Variants in CPA6 observed in about 807,000 individuals in gnomAD.
The protein encoded by CPA6 is carboxypeptidase B.
A neutral mutation model predicts 63.3 loss-of-function variants in CPA6; 58 were observed. That is an observed-to-expected ratio of 0.92 (90% CI 0.74 to 1.14). The LOEUF (loss-of-function observed/expected upper bound fraction) is 1.14, where lower values mean the gene tolerates loss of function less well. Among genes scored for constraint, CPA6 ranks in the 50% most tolerant of loss-of-function variants. The pLI is 0.00. For missense variants in CPA6, 565 were observed against 526.6 expected, an observed-to-expected ratio of 1.07 and a Z score of -0.71; for synonymous variants, 185 against 179.0, an observed-to-expected ratio of 1.03 and a Z score of -0.27.
intron 5 of CPA6, among the ~76,000 whole-genome samples, 159 bp downstream of exon 5, chr8:67,509,358 G>A (rs1170660198): frequency 6.6e-6 from 1 of 152,130 alleles, no homozygotes; most frequent in Non-Finnish European, 1.5e-5. Context: ...ATGAAATATG[G>A]TTCAGAAACC....
chr8:67,533,270 G>A (rs1240466931), intron 2 of CPA6, among the ~76,000 whole-genome samples: 1 of 152,180 alleles, frequency 6.6e-6, no homozygotes, highest in African/African-American at 2.4e-5. Flanking sequence ...GCCGTAAGAA[G>A]GGTAGAATGA....
intron 2 of CPA6, among the ~76,000 whole-genome samples, chr8:67,586,797 C>T (rs1351556539): frequency 6.6e-6 from 1 of 151,938 alleles, no homozygotes; most frequent in Non-Finnish European, 1.5e-5. Flanking sequence ...TCAGGAGAGA[C>T]AATTAATGAG....
intron 2 of CPA6, among the ~76,000 whole-genome samples, chr8:67,620,111 T>C (rs1353959620): frequency 2.0e-5 from 3 of 152,140 alleles, no homozygotes; most frequent in Non-Finnish European, 4.4e-5. Flanking sequence ...TGAAATCCAT[T>C]CTCACTTCCT....
intron 2 of CPA6, among the ~76,000 whole-genome samples, chr8:67,588,009 G>C (rs1301855107): frequency 6.6e-6 from 1 of 152,166 alleles, no homozygotes; most frequent in Non-Finnish European, 1.5e-5. Flanking sequence ...TGGTACAGGT[G>C]TGCTTGAGGT....
At chr8:67,610,354 C>T (rs1019329400) in intron 2 of CPA6, among the ~76,000 whole-genome samples, 1 of 151,732 alleles carries the variant, frequency 6.6e-6, no homozygotes, top group African/African-American at 2.4e-5. Flanking sequence ...GCTTGGGTGA[C>T]AGGCCGAGAC....
intron 8 of CPA6, among the ~76,000 whole-genome samples, chr8:67,480,281 C>T (rs888956114): frequency 6.6e-6 from 1 of 152,104 alleles, no homozygotes; most frequent in Admixed American, 6.5e-5. Flanking sequence ...ACAATTGTCA[C>T]ATCTCATTCT....
intron 8 of CPA6, among the ~76,000 whole-genome samples, chr8:67,453,915 G>T (rs1810614098): frequency 6.6e-6 from 1 of 152,192 alleles, no homozygotes; most frequent in Non-Finnish European, 1.5e-5. Flanking sequence ...ATACTCAGAA[G>T]TACTGTGCCT....
chr8:67,524,953 G>A lies in CPA6; in HGVS notation c.193-6906C>T, dbSNP rs574856158. 2.9e-4 allele frequency among the ~76,000 whole-genome samples: 44 copies of A among 152,246 alleles called. 1 individual carries two copies. Among genetic ancestry groups the A allele is most frequent in the Admixed American group, 2.9e-3 (44 of 15,290 alleles). On this transcript the variant is annotated intron_variant, in intron 2 of 10. Coordinates refer to ENST00000297770, the MANE Select transcript of CPA6 (RefSeq NM_020361.5). ...TTTAGGTATAATCCTAGACTATACTGCTTCATAGGTTACAGTACTATATTG... is the reference window on the plus strand; with the variant it reads ...TTTAGGTATAATCCTAGACTATACTACTTCATAGGTTACAGTACTATATTG...
At chr8:67,437,319 C>T (rs1414164922) in intron 8 of CPA6, among the ~76,000 whole-genome samples, 4 of 152,140 alleles carry the variant, frequency 2.6e-5, no homozygotes, top group Non-Finnish European at 4.4e-5. Context: ...GGCACGAACC[C>T]GGGAGGCGGA....
intron 6 of CPA6, among the ~76,000 whole-genome samples, chr8:67,500,531 ATTGT>A (rs900485463): frequency 1.3e-5 from 2 of 151,992 alleles, no homozygotes; most frequent in African/African-American, 4.8e-5. Context: ...TAAAATTTTG[ATTGT>A]TTGATAATGT....
At chr8:67,514,937 T>C (rs1324157824) in intron 3 of CPA6, among the ~76,000 whole-genome samples, 1 of 152,220 alleles carries the variant, frequency 6.6e-6, no homozygotes, top group African/African-American at 2.4e-5. Flanking sequence ...AAAATACCTT[T>C]CTGTAAAAAG....
intron 6 of CPA6, among the ~76,000 whole-genome samples, chr8:67,496,457 G>A (rs1425283179): frequency 1.4e-5 from 2 of 144,670 alleles, no homozygotes; most frequent in Non-Finnish European, 1.5e-5. Flanking sequence ...TCCTTTTATA[G>A]TGTGCAATTT....
chr8:67,425,935 C>T (rs1181713077), intron 10 of CPA6, among the ~76,000 whole-genome samples: 1 of 148,102 alleles, frequency 6.8e-6, no homozygotes. Flanking sequence ...CTCGCTCTGT[C>T]ACCCAGGCTG....
chr8:67,457,028 G>A (rs1339779971), intron 8 of CPA6, among the ~76,000 whole-genome samples: 1 of 152,230 alleles, frequency 6.6e-6, no homozygotes. Flanking sequence ...GTGTGGCCTT[G>A]CCACGCCTTC....
chr8:67,643,347 C>A (rs1021692591), intron 1 of CPA6, among the ~76,000 whole-genome samples: 1 of 152,110 alleles, frequency 6.6e-6, no homozygotes, highest in Admixed American at 6.5e-5. Context: ...GAAAACTAAA[C>A]TGTACCTCTC....
rs948251706 is a variant in CPA6, at chr8:67,422,472, C to T, written c.*32G>A. The T allele has an allele frequency of 3.8e-6, 6 of 1,593,110 alleles. No individual in the cohort carries two copies. In the African/African-American group the frequency reaches 8.1e-5, roughly 21 times the overall value. On this transcript the variant is annotated 3_prime_UTR_variant, in exon 11 of 11. Transcript: ENST00000297770. Reference sequence around the variant, plus strand: ...GGGCCAAGTAGGCCTTGCTCAGAATCCTATGGCAGTTGACCTGAGCCTTGG... The same window carrying T: ...GGGCCAAGTAGGCCTTGCTCAGAATTCTATGGCAGTTGACCTGAGCCTTGG...
At chr8:67,532,904 A>T (rs914970515) in intron 2 of CPA6, among the ~76,000 whole-genome samples, 1 of 152,198 alleles carries the variant, frequency 6.6e-6, no homozygotes, top group African/African-American at 2.4e-5. Context: ...AAGGCAAGGG[A>T]CATTTGAAAG....
At position 67,573,891 on chromosome 8, in the gene CPA6, C is replaced by CAAAAAAA. The variant is rs34145304; in HGVS notation, c.192+50278_192+50284dup. 7.5e-4 allele frequency among the ~76,000 whole-genome samples: 25 copies of CAAAAAAA among 33,498 alleles called. 1 individual carries two copies. Among genetic ancestry groups the CAAAAAAA allele is most frequent in the African/African-American group, 2.5e-3 (22 of 8,846 alleles). The allele number at this position is 33,498 out of a possible 152,430, so 22.0% of individuals were successfully genotyped here. ...TGGGCGACAGAGCAAGACTCCGTCTCAAAAAAAAAAAAAAAAAAAAAAAAA... is the reference window on the plus strand; with the variant it reads ...TGGGCGACAGAGCAAGACTCCGTCTCAAAAAAAAAAAAAAAAAAAAAAAAAAAAAAAA... On this transcript the variant is annotated intron_variant, in intron 2 of 10. Transcript: ENST00000297770.
At chr8:67,716,146 T>A (rs1817373642) in intron 1 of CPA6, among the ~76,000 whole-genome samples, 1 of 103,490 alleles carries the variant, frequency 9.7e-6, no homozygotes, top group Non-Finnish European at 1.8e-5. Context: ...AGAGTGAGCT[T>A]GTCTCAAAAA....
Sources: gnomAD v4.1 joint callset for allele counts (sites outside exome capture counted in the v4.1 genomes callset) on GRCh38, gnomAD v4.1.1 for gene constraint, MANE v1.5 for transcripts, NCBI Gene and HGNC (gene_info 2026-07-23, HGNC 2026-07-21) for gene names.